The following B3GALT1 variants were observed in gnomAD, a reference collection of about 807,000 sequenced individuals.
B3GALT1 encodes UDP-Gal:betaGlcNAc beta 1,3-galactosyltransferase, polypeptide 1.
A neutral mutation model predicts 23.2 loss-of-function variants in B3GALT1; 10 were observed. The ratio of observed to expected loss-of-function variants is 0.43; its 90% CI spans 0.27 to 0.73. The LOEUF (loss-of-function observed/expected upper bound fraction) is 0.73. Among genes scored for constraint, B3GALT1 ranks in the 30% least tolerant of loss-of-function variants. The probability of loss-of-function intolerance (pLI) is 0.21; values close to 1 mark genes in which losing one functional copy is unlikely to be tolerated. For missense variants in B3GALT1, 299 were observed against 405.4 expected (o/e 0.74, Z 2.25); for synonymous variants, 156 against 141.5 (o/e 1.10, Z -0.73).
intron 2 of B3GALT1, among the ~76,000 whole-genome samples, chr2:167,558,924 A>G (rs1174185836): frequency 6.6e-6 from 1 of 152,174 alleles, no homozygotes; most frequent in Non-Finnish European, 1.5e-5. Context: ...GCAGACTTAA[A>G]TGTCCCTGTC....
At chr2:167,630,813 CA>C (rs1164229925) in intron 2 of B3GALT1, among the ~76,000 whole-genome samples, 2 of 151,736 alleles carry the variant, frequency 1.3e-5, no homozygotes, top group Admixed American at 6.6e-5. Flanking sequence ...TGATAGGGAA[CA>C]GATTCCAAGA....
intron 3 of B3GALT1, among the ~76,000 whole-genome samples, chr2:167,766,757 G>A (rs1439505524): frequency 2.0e-5 from 3 of 152,124 alleles, no homozygotes; most frequent in Non-Finnish European, 2.9e-5. Context: ...GGACTCTCTG[G>A]TACAGTTTCC....
chr2:167,580,803 A>T (rs748512653), intron 2 of B3GALT1, among the ~76,000 whole-genome samples: 5 of 152,174 alleles, frequency 3.3e-5, no homozygotes, highest in Non-Finnish European at 7.3e-5. Flanking sequence ...TCCAGTGAAG[A>T]TAGAGTAAGA....
In B3GALT1 at chr2:167,818,802, G is replaced by C. The variant is rs1052932582; in HGVS notation, c.-230+9G>C. ...CACGCTGGAGCCAACAGGTAGGCGA[G>C]AAACCAGGTAGGCGAGAAACACGTT... On this transcript the variant is annotated intron_variant, in intron 4 of 4. Coordinates refer to ENST00000392690, the MANE Select transcript of B3GALT1 (RefSeq NM_020981.4). 5.3e-5 allele frequency among the ~76,000 whole-genome samples: 8 copies of C among 152,070 alleles called. No homozygotes were observed. Among genetic ancestry groups the C allele is most frequent in the Non-Finnish European group, 8.8e-5 (6 of 68,024 alleles).
intron 2 of B3GALT1, among the ~76,000 whole-genome samples, chr2:167,633,538 G>C (rs1343958219): frequency 6.6e-6 from 1 of 151,640 alleles, no homozygotes; most frequent in African/African-American, 2.4e-5. Context: ...TGCAATCCTA[G>C]TCTCTCATAA....
intron 1 of B3GALT1, among the ~76,000 whole-genome samples, chr2:167,324,615 T>C (rs1379595446): frequency 6.6e-6 from 1 of 152,156 alleles, no homozygotes; most frequent in East Asian, 1.9e-4. Context: ...AACATATTTA[T>C]GGGATACATG....
intron 2 of B3GALT1, among the ~76,000 whole-genome samples, chr2:167,622,716 TGAAC>T (rs1685280045): frequency 1.3e-5 from 2 of 152,146 alleles, no homozygotes; most frequent in African/African-American, 4.8e-5. Flanking sequence ...TCAGCTTCAA[TGAAC>T]TAAAAAATTA....
rs576573308 is a variant in B3GALT1, at chr2:167,663,729, T to C, written c.-352+16763T>C. 2.9e-4 allele frequency among the ~76,000 whole-genome samples: 44 copies of C among 152,192 alleles called. 1 individual carries two copies. The East Asian group carries it at 8.3e-3, about 29-fold the overall frequency. ...ATGGCCAGTGATGGTGAGCATTTTTTCATGTGTTTTTTGGCTGCATAAATG... is the reference window on the plus strand; with the variant it reads ...ATGGCCAGTGATGGTGAGCATTTTTCCATGTGTTTTTTGGCTGCATAAATG... On this transcript the variant is annotated intron_variant, in intron 3 of 4. Transcript: ENST00000392690.
intron 1 of B3GALT1, among the ~76,000 whole-genome samples, chr2:167,373,513 A>G (rs1410648575): frequency 6.6e-6 from 1 of 152,214 alleles, no homozygotes; most frequent in African/African-American, 2.4e-5. Flanking sequence ...CAGAATATTT[A>G]AAGAATTCCT....
chr2:167,308,187 G>A (rs1240343108), intron 1 of B3GALT1, among the ~76,000 whole-genome samples: 1 of 151,934 alleles, frequency 6.6e-6, no homozygotes. Flanking sequence ...TTTTATAACT[G>A]TTGGGACTGA....
chr2:167,404,420 G>A (rs1373241378), intron 1 of B3GALT1, among the ~76,000 whole-genome samples: 1 of 152,162 alleles, frequency 6.6e-6, no homozygotes, highest in Admixed American at 6.5e-5. Flanking sequence ...AAATAAAATG[G>A]ACTATGTTGT....
chr2:167,482,594 T>A (rs1699575289), intron 1 of B3GALT1, among the ~76,000 whole-genome samples: 1 of 152,214 alleles, frequency 6.6e-6, no homozygotes, highest in Admixed American at 6.5e-5. Flanking sequence ...CAGTGTTAAA[T>A]CATTTTTATT....
At chr2:167,609,154 CAACT>C (rs1364728427) in intron 2 of B3GALT1, among the ~76,000 whole-genome samples, 1 of 152,084 alleles carries the variant, frequency 6.6e-6, no homozygotes, top group Non-Finnish European at 1.5e-5. Context: ...AGAACCACAC[CAACT>C]GTCATGATCA....
At chr2:167,537,980 G>C (rs369483450) in intron 2 of B3GALT1, among the ~76,000 whole-genome samples, 1 of 152,000 alleles carries the variant, frequency 6.6e-6, no homozygotes, top group Non-Finnish European at 1.5e-5. Flanking sequence ...GTGCCACCAC[G>C]CCTGGCTCAT....
chr2:167,561,361 C>T (rs186595090), intron 2 of B3GALT1, among the ~76,000 whole-genome samples: 1,556 of 152,128 alleles, frequency 0.01, 23 homozygotes, highest in African/African-American at 0.036. Context: ...CAGGAAAGAT[C>T]CAAAATTGAC....
intron 2 of B3GALT1, among the ~76,000 whole-genome samples, chr2:167,564,784 G>A (rs1374778718): frequency 6.6e-6 from 1 of 152,150 alleles, no homozygotes; most frequent in Admixed American, 6.5e-5. Context: ...AAATACCTAG[G>A]AATCCCACTT....
intron 1 of B3GALT1, among the ~76,000 whole-genome samples, chr2:167,463,493 GA>G (rs1699297829): frequency 1.3e-5 from 2 of 151,934 alleles, no homozygotes; most frequent in Admixed American, 6.6e-5. Context: ...AAGGTAATAG[GA>G]AAAAAAGATA....
At chr2:167,418,342 G>T (rs934933252) in intron 1 of B3GALT1, among the ~76,000 whole-genome samples, 2 of 151,890 alleles carry the variant, frequency 1.3e-5, no homozygotes, top group African/African-American at 4.8e-5. Context: ...TTCATGCAAA[G>T]CATAATGTTG....
At chr2:167,650,467 G>A (rs978952381) in intron 3 of B3GALT1, among the ~76,000 whole-genome samples, 4 of 151,640 alleles carry the variant, frequency 2.6e-5, no homozygotes, top group African/African-American at 9.7e-5. Flanking sequence ...TTATGCATAT[G>A]TCATATTGGT....
Sources: allele counts gnomAD v4.1 joint callset (sites outside exome capture counted in the v4.1 genomes callset), GRCh38; gene constraint gnomAD v4.1.1; transcripts MANE v1.5; gene names NCBI Gene and HGNC (gene_info 2026-07-23, HGNC 2026-07-21).